The following DDAH1 variants were observed in gnomAD, a reference collection of about 807,000 sequenced individuals.
DDAH1 encodes N(G),N(G)-dimethylarginine dimethylaminohydrolase 1.
A neutral mutation model predicts 28.8 loss-of-function variants in DDAH1; 19 were observed. That is an observed-to-expected ratio of 0.66 (90% CI 0.46 to 0.97). DDAH1 has a LOEUF of 0.97. DDAH1 is among the 50% of genes least tolerant of loss of function. DDAH1 has a pLI of 0.00. For missense variants in DDAH1, 326 were observed against 375.9 expected (o/e 0.87, Z 1.10); for synonymous variants, 153 against 154.4 (o/e 0.99, Z 0.07).
intron 1 of DDAH1, among the ~76,000 whole-genome samples, chr1:85,463,022 T>G (rs1430741040): frequency 6.6e-6 from 1 of 152,234 alleles, no homozygotes; most frequent in African/African-American, 2.4e-5. Flanking sequence ...CAGGTATTAT[T>G]ATGTCCACTG....
intron 2 of DDAH1, among the ~76,000 whole-genome samples, chr1:85,473,162 G>T (rs551227901): frequency 6.6e-6 from 1 of 152,280 alleles, no homozygotes; most frequent in South Asian, 2.1e-4. Context: ...CTTTGCTCTT[G>T]TGAGTAGTGC....
intron 1 of DDAH1, among the ~76,000 whole-genome samples, chr1:85,386,276 C>G (rs1468310007): frequency 6.6e-6 from 1 of 152,198 alleles, no homozygotes; most frequent in Non-Finnish European, 1.5e-5. Flanking sequence ...AGGGAAGTTA[C>G]TTACAGCTGG....
At chr1:85,350,820 G>C (rs1387152006) in intron 3 of DDAH1, among the ~76,000 whole-genome samples, 1 of 152,180 alleles carries the variant, frequency 6.6e-6, no homozygotes, top group Non-Finnish European at 1.5e-5. Context: ...TGTGTAAACA[G>C]TGGCTCAGCT....
At chr1:85,461,147 C>T (rs77073779) in intron 1 of DDAH1, among the ~76,000 whole-genome samples, 1 of 151,458 alleles carries the variant, frequency 6.6e-6, no homozygotes, top group Non-Finnish European at 1.5e-5. Flanking sequence ...TGCATTTTTT[C>T]CCTAAAAAGT....
chr1:85,571,092 A>G (rs924656767), intron 1 of DDAH1, among the ~76,000 whole-genome samples: 8 of 152,112 alleles, frequency 5.3e-5, no homozygotes, highest in African/African-American at 1.9e-4. Context: ...AGATGTCAAA[A>G]AGCTCATCTC....
chr1:85,574,923 T>C (rs985428041), intron 1 of DDAH1, among the ~76,000 whole-genome samples: 2 of 151,670 alleles, frequency 1.3e-5, no homozygotes, highest in Admixed American at 1.3e-4. Context: ...AATTATAACA[T>C]AGTTGGGGAG....
chr1:85,446,287 G>T (rs945588591), intron 1 of DDAH1, among the ~76,000 whole-genome samples: 1 of 152,160 alleles, frequency 6.6e-6, no homozygotes, highest in Non-Finnish European at 1.5e-5. Flanking sequence ...TCACAAGAAG[G>T]CAGGAAAAGT....
At chr1:85,321,970 G>A (rs1279004799) in intron 5 of DDAH1, among the ~76,000 whole-genome samples, 2 of 152,138 alleles carry the variant, frequency 1.3e-5, no homozygotes, top group East Asian at 3.9e-4. Flanking sequence ...TTGGTGTACA[G>A]TGGCGCGACC....
At chr1:85,443,385 T>C (rs989717174) in intron 1 of DDAH1, among the ~76,000 whole-genome samples, 10 of 152,210 alleles carry the variant, frequency 6.6e-5, no homozygotes, top group African/African-American at 1.7e-4. Flanking sequence ...CATTGGTCTA[T>C]ATCTCTGTTT....
At chr1:85,516,471 A>G (rs2100756957) in intron 1 of DDAH1, among the ~76,000 whole-genome samples, 1 of 151,028 alleles carries the variant, frequency 6.6e-6, no homozygotes, top group Middle Eastern at 3.4e-3. Flanking sequence ...TTCCACCAAG[A>G]TTTTCTAGGC....
chr1:85,461,474 A>G (rs1221990082), intron 1 of DDAH1, among the ~76,000 whole-genome samples: 1 of 152,196 alleles, frequency 6.6e-6, no homozygotes, highest in Non-Finnish European at 1.5e-5. Context: ...AGATTTTTAT[A>G]AAAACAAACA....
Position 85,513,598 on chromosome 1 carries a change from G to C in DDAH1, c.-122-17317C>G, listed in dbSNP as rs567290028. On this transcript the variant is annotated intron_variant, in intron 1 of 6. Transcript: ENST00000426972. ...AGTGGGAGAAAAAGTTTGCAATCTA[G>C]TCATCTGACAAAGGGCTAATATCCA... 3.3e-5 allele frequency among the ~76,000 whole-genome samples: 5 copies of C among 152,170 alleles called. No individual in the cohort carries two copies. In the South Asian group the frequency reaches 1.0e-3, roughly 32 times the overall value.
chr1:85,519,976 A>ATGTATTTG (rs752160189), intron 1 of DDAH1, among the ~76,000 whole-genome samples: 2 of 138,720 alleles, frequency 1.4e-5, no homozygotes, highest in African/African-American at 2.6e-5. Flanking sequence ...TTTCCCCTTT[A>ATGTATTTG]TTTATTTATT....
intron 1 of DDAH1, among the ~76,000 whole-genome samples, chr1:85,523,994 C>T (rs1176316286): frequency 1.3e-5 from 2 of 151,708 alleles, no homozygotes; most frequent in Non-Finnish European, 2.9e-5. Context: ...TGAGTATCTA[C>T]TGATGTCAGG....
At chr1:85,416,979 G>GT (rs1281802648) in intron 1 of DDAH1, among the ~76,000 whole-genome samples, 1 of 152,112 alleles carries the variant, frequency 6.6e-6, no homozygotes. Context: ...ATGAACTAGT[G>GT]TTTTTTCTAA....
At chr1:85,428,191 TA>T (rs1365245808) in intron 1 of DDAH1, among the ~76,000 whole-genome samples, 3 of 152,146 alleles carry the variant, frequency 2.0e-5, no homozygotes, top group Non-Finnish European at 2.9e-5. Context: ...ATTGTATGTG[TA>T]GAGGTTTGAT....
intron 2 of DDAH1, among the ~76,000 whole-genome samples, chr1:85,476,153 T>C (rs1419238655): frequency 6.6e-6 from 1 of 152,230 alleles, no homozygotes; most frequent in African/African-American, 2.4e-5. Flanking sequence ...TGAGCCACCA[T>C]GTCCAGCCTC....
intron 1 of DDAH1, among the ~76,000 whole-genome samples, chr1:85,505,181 TGCACCATGTTG>T (rs887351315): frequency 8.6e-5 from 13 of 151,898 alleles, no homozygotes; most frequent in Non-Finnish European, 1.8e-4. Flanking sequence ...GAGACAGAGT[TGCACCATGTTG>T]GTCAGGCTGG....
intron 1 of DDAH1, among the ~76,000 whole-genome samples, chr1:85,520,170 C>T (rs1215197945): frequency 6.6e-6 from 1 of 152,102 alleles, no homozygotes; most frequent in Non-Finnish European, 1.5e-5. Flanking sequence ...CATAGCTTAG[C>T]TCCTAATCTT....
Sources: gnomAD v4.1 joint callset for allele counts (sites outside exome capture counted in the v4.1 genomes callset) on GRCh38, gnomAD v4.1.1 for gene constraint, MANE v1.5 for transcripts, NCBI Gene and HGNC (gene_info 2026-07-23, HGNC 2026-07-21) for gene names.